The following DGKZ variants were observed in gnomAD, a reference collection of about 807,000 sequenced individuals.
The protein encoded by DGKZ is diacylglycerol kinase zeta.
A neutral mutation model predicts 142.5 loss-of-function variants in DGKZ; 45 were observed. The observed-to-expected ratio is 0.32, with a 90% CI of 0.25 to 0.40. The LOEUF is 0.40. Ranked by LOEUF, DGKZ falls within the 10% of genes least tolerant of loss-of-function variation. The pLI is 1.00. For synonymous variants in DGKZ, 442 were observed against 527.0 expected, an observed-to-expected ratio of 0.84 and a Z score of 2.21; for missense variants, 755 against 1,306.5, an observed-to-expected ratio of 0.58 and a Z score of 6.51.
At chr11:46,374,340 C>T (rs1167113557) in intron 15 of DGKZ, 59 bp from the exon 16 acceptor site, 1 of 1,612,720 alleles carries the variant, frequency 6.2e-7, no homozygotes, top group African/African-American at 1.3e-5. Context: ...AGCCCTCCCC[C>T]AACCCCACCT....
Position 46,374,864 on chromosome 11 carries a change from G to A in DGKZ, c.1598+25G>A, listed in dbSNP as rs776705499. ...GGTGAGGAGGGGGCTACCGGAGCTGGGGGGAGCCCTGCTGTCCTTGTCCTG... is the reference window on the plus strand; with the variant it reads ...GGTGAGGAGGGGGCTACCGGAGCTGAGGGGAGCCCTGCTGTCCTTGTCCTG... On this transcript the variant is annotated intron_variant, in intron 18 of 30. Transcript: ENST00000527911. 9 of 1,583,950 alleles carry A rather than the reference G, an allele frequency of 5.7e-6. No homozygotes were observed. In the Admixed American group the frequency reaches 1.4e-4, roughly 24 times the overall value.
At chr11:46,363,549 G>A (rs1479135963) in intron 1 of DGKZ, among the ~76,000 whole-genome samples, 1 of 152,216 alleles carries the variant, frequency 6.6e-6, no homozygotes, top group Non-Finnish European at 1.5e-5. Context: ...CACCACAGGA[G>A]CTCCTGTAAG....
intron 1 of DGKZ, among the ~76,000 whole-genome samples, chr11:46,362,719 G>A (rs1177474713): frequency 6.6e-6 from 1 of 152,188 alleles, no homozygotes; most frequent in Admixed American, 6.5e-5. Flanking sequence ...CTAGCACAGG[G>A]CGTGAGATGG....
intron 1 of DGKZ, among the ~76,000 whole-genome samples, chr11:46,363,231 G>T (rs1244686926): frequency 6.6e-6 from 1 of 152,178 alleles, no homozygotes; most frequent in Non-Finnish European, 1.5e-5. Flanking sequence ...GGCTCTTGCT[G>T]ACCAGGGACA....
chr11:46,375,750 T>G, intron 20 of DGKZ, 101 bp from the exon 21 acceptor site: 2 of 1,502,592 alleles, frequency 1.3e-6, no homozygotes, highest in Non-Finnish European at 1.8e-6. Flanking sequence ...GTGTTGGGAG[T>G]GGAGCGGGAC....
chr11:46,360,195 G>A (rs1474450942), intron 1 of DGKZ, among the ~76,000 whole-genome samples: 1 of 152,106 alleles, frequency 6.6e-6, no homozygotes, highest in Admixed American at 6.6e-5. Flanking sequence ...GTAAAATGAT[G>A]CCACTCTTTT....
At chr11:46,366,291 A>C in intron 1 of DGKZ, 3 of 1,584,264 alleles carry the variant, frequency 1.9e-6, no homozygotes, top group Non-Finnish European at 2.6e-6. Context: ...TTCCGGGGGA[A>C]GGTGCCAGGC....
intron 6 of DGKZ, 82 bp from the exon 7 acceptor site, chr11:46,371,231 G>A (rs1943909964): frequency 1.5e-6 from 2 of 1,371,470 alleles, no homozygotes; most frequent in African/African-American, 1.4e-5. Context: ...GTCTCTGGGT[G>A]GAGAGAGGCT....
chr11:46,367,609 C>T lies in DGKZ; in HGVS notation c.271-43C>T. The T allele has an allele frequency of 1.3e-6, 2 of 1,532,428 alleles. No homozygotes were observed. Among genetic ancestry groups the T allele is most frequent in the Non-Finnish European group, 8.8e-7 (1 of 1,132,778 alleles). The allele number at this position is 1,532,428 out of a possible 1,614,324, so 94.9% of individuals were successfully genotyped here. On this transcript the variant is annotated intron_variant, in intron 2 of 30. Transcript: ENST00000527911. The surrounding 1 kb of genome is among the most constrained non-coding windows in gnomAD (Gnocchi z 4.1). ...GGGCGGGGGCTGATGGGAGGGAGGG[C>T]TGGGCGGCCAGCGTGTGCTGAGCAA...
rs901998 is a variant in DGKZ at position 46,366,461 on chromosome 11, G to T, written c.162-830G>T. The T allele has an allele frequency of 6.0e-3, 9,321 of 1,560,564 alleles. 181 individuals carry two copies. The African/African-American group carries it at 0.064, about 11-fold the overall frequency. ...CCTGAGTTGCGGGGTGAGGGCCCAG[G>T]GTTCCAGCCGCCGGCGCTCCAGCAC... On this transcript the variant is annotated intron_variant, in intron 1 of 30. Coordinates refer to ENST00000527911, the Ensembl canonical transcript of DGKZ.
intron 1 of DGKZ, among the ~76,000 whole-genome samples, chr11:46,354,933 G>A (rs1369923956): frequency 2.0e-5 from 3 of 152,184 alleles, no homozygotes; most frequent in Admixed American, 1.3e-4. Context: ...TATTTGCCCA[G>A]GCTCTGTTGA....
At chr11:46,364,537 C>G in intron 1 of DGKZ, 1 of 985,422 alleles carries the variant, frequency 1.0e-6, no homozygotes, top group Non-Finnish European at 1.2e-6. Flanking sequence ...TCATCTGAGG[C>G]AGCTGGAAAC....
chr11:46,337,335 G>A (rs1250323519), intron 1 of DGKZ, among the ~76,000 whole-genome samples: 9 of 120,966 alleles, frequency 7.4e-5, no homozygotes, highest in Admixed American at 1.1e-4. Context: ...TCACTCTGTC[G>A]CCCAGGCTGA....
chr11:46,371,070 A>C (rs1469653324), intron 6 of DGKZ, among the ~76,000 whole-genome samples: 1 of 152,086 alleles, frequency 6.6e-6, no homozygotes, highest in Non-Finnish European at 1.5e-5. Context: ...GGGCAACAAG[A>C]GCGAGACTCC....
chr11:46,353,556 C>T (rs1195270210), intron 1 of DGKZ, among the ~76,000 whole-genome samples: 5 of 152,188 alleles, frequency 3.3e-5, no homozygotes, highest in Non-Finnish European at 5.9e-5. Context: ...CGGGCTGGGT[C>T]TGGCGTGGAG....
At chr11:46,370,874 A>T (rs535337138) in intron 6 of DGKZ, among the ~76,000 whole-genome samples, 113 of 152,284 alleles carry the variant, frequency 7.4e-4, no homozygotes, top group Middle Eastern at 6.8e-3. Context: ...ACCTGAGGTC[A>T]GGAATTCGAG....
intron 1 of DGKZ, chr11:46,361,664 T>G (rs1942666556): frequency 2.0e-6 from 2 of 985,446 alleles, no homozygotes; most frequent in African/African-American, 3.5e-5. Context: ...GAGCCCGGCC[T>G]TGGGGACCCC....
intron 1 of DGKZ, among the ~76,000 whole-genome samples, chr11:46,361,264 G>GC (rs553424685): frequency 9.4e-4 from 143 of 152,284 alleles, no homozygotes; most frequent in Middle Eastern, 3.4e-3. Context: ...TTAGTGGGGG[G>GC]CCCCCTCCCT....
rs374551982 is a variant in DGKZ, at chr11:46,372,548, G to C, written c.1010+38G>C. The C allele has an allele frequency of 8.1e-6, 13 of 1,613,734 alleles. No homozygotes were observed. The African/African-American group carries it at 1.7e-4, about 22-fold the overall frequency. On this transcript the variant is annotated intron_variant, in intron 11 of 30. Transcript: ENST00000527911. This position sits in a 1 kb window ranked among gnomAD's most constrained non-coding sequence, Gnocchi z 5.9. ...CAAGGTTTTGTGGGGGACATGGGGG[G>C]GAACTTGCCTCACTCCTGGGGTACA...
Sources: gnomAD v4.1 joint callset for allele counts (sites outside exome capture counted in the v4.1 genomes callset) on GRCh38, gnomAD v4.1.1 for gene constraint, Gnocchi (gnomAD v3.1) non-coding constraint, MANE v1.5 for transcripts, NCBI Gene and HGNC (gene_info 2026-07-23, HGNC 2026-07-21) for gene names.